The following AAAS variants were observed in gnomAD, a reference collection of about 807,000 sequenced individuals.
AAAS encodes aladin.
In AAAS, 60 loss-of-function variants were observed where a neutral mutation model predicts 75.6. The ratio of observed to expected loss-of-function variants is 0.79; its 90% CI spans 0.64 to 0.98. AAAS has a LOEUF of 0.98. Among genes scored for constraint, AAAS ranks in the 50% least tolerant of loss-of-function variants. The pLI, the probability that AAAS is intolerant of heterozygous loss-of-function variation, is 0.00. For missense variants in AAAS, 658 were observed against 686.9 expected (o/e 0.96, Z 0.47); for synonymous variants, 271 against 265.0 (o/e 1.02, Z -0.22).
At chr12:53,312,170 A>C (rs557314358) in intron 7 of AAAS, among the ~76,000 whole-genome samples, 1 of 149,712 alleles carries the variant, frequency 6.7e-6, no homozygotes, top group African/African-American at 2.5e-5. Flanking sequence ...CCGAGATTGC[A>C]CCACTGCACT....
chr12:53,309,687 G>A lies in AAAS; in HGVS notation c.724C>T (p.Pro242Ser), dbSNP rs1357091589. Residue 242 changes from proline (P) to serine (S), a missense_variant, in exon 8 of 16, where the codon CCT becomes TCT. By Grantham distance (74) the Pro-to-Ser change is moderately conservative. Coordinates refer to ENST00000209873, the MANE Select transcript of AAAS (RefSeq NM_015665.6). ...SSGCAQVLSH[P>S]GHTPVTSLAW... ...AAGCTGGTAACAGGTGTATGCCCAG[G>A]GTGAGACAGCACTTGGGCACAGCCA... The A allele has an allele frequency of 1.2e-6, 2 of 1,613,396 alleles. No homozygotes were observed. The highest frequency in any genetic ancestry group is 1.7e-5 in the Admixed American group (1 of 59,922).
At position 53,308,740 on chromosome 12, in the gene AAAS, AAGAC is replaced by A. The variant is rs1179559204; in HGVS notation, c.1068_1071del (p.Ser357PhefsTer58). On this transcript the variant is annotated frameshift_variant, in exon 11 of 16. Coordinates refer to ENST00000209873, the MANE Select transcript of AAAS (RefSeq NM_015665.6). LOFTEE classifies it high-confidence loss of function. ...CCTAACTCACCACAACGTTCTGGAA[AAGAC>A]AGGGAGTAAATCAGTGGCTCTCCCA... 1 of 1,614,056 alleles carries A rather than the reference AAGAC, an allele frequency of 6.2e-7. No homozygotes were observed. Among genetic ancestry groups the A allele is most frequent in the African/African-American group, 1.3e-5 (1 of 74,928 alleles).
intron 2 of AAAS, among the ~76,000 whole-genome samples, chr12:53,317,448 TC>T (rs1354115857): frequency 1.3e-5 from 2 of 151,864 alleles, no homozygotes; most frequent in Non-Finnish European, 2.9e-5. Flanking sequence ...TCCCAGCTAC[TC>T]GGGAGGCTGA....
chr12:53,315,817 T>A (rs1012478093), intron 2 of AAAS, 35 bp from the exon 3 acceptor site: 2 of 1,605,522 alleles, frequency 1.2e-6, no homozygotes, highest in African/African-American at 2.7e-5. Flanking sequence ...CAGCTTACTC[T>A]GATCCCCTCT....
Position 53,308,996 on chromosome 12 carries a change from A to G in AAAS, c.960T>C (p.Thr320=). 6.2e-7 allele frequency: 1 copy of G among 1,614,224 alleles called. No individual in the cohort carries two copies. The highest frequency in any genetic ancestry group is 8.5e-7 in the Non-Finnish European group (1 of 1,180,028). The change falls in exon 10 of 16, where the codon ACT becomes ACC. Residue 320 remains threonine, a synonymous_variant. Transcript: ENST00000209873. ...VFRVWEAQMW[T]CERWPTLSGR... ...CTGATAGAGTAGGCCACCTCTCACAAGTCCACATCTGGGCCTCCCAGACTC... is the reference window on the plus strand; with the variant it reads ...CTGATAGAGTAGGCCACCTCTCACAGGTCCACATCTGGGCCTCCCAGACTC...
At chr12:53,321,029 T>C in intron 1 of AAAS, 1 of 544,362 alleles carries the variant, frequency 1.8e-6, no homozygotes, top group Non-Finnish European at 3.3e-6. Flanking sequence ...AAGTTCCATG[T>C]TGTATCCTTC....
At chr12:53,315,541 T>G (rs1944449179) in intron 3 of AAAS, 115 bp from the exon 4 acceptor site, 1 of 1,188,722 alleles carries the variant, frequency 8.4e-7, no homozygotes. Flanking sequence ...GCCCAGTAAG[T>G]GCTCTCAACA....
In AAAS at chr12:53,317,795, T is replaced by A. The variant is rs550527391; in HGVS notation, c.252-2013A>T. On this transcript the variant is annotated intron_variant, in intron 2 of 15. Transcript: ENST00000209873. ...ACCTAGGAAAAAGGTGAAAGTGGCC[T>A]GAACTGGTGGGGATGAAGAAAAAGA... Among the ~76,000 whole-genome samples, 6 of 151,024 alleles carry A rather than the reference T, an allele frequency of 4.0e-5. No homozygotes were observed. The South Asian group carries it at 1.3e-3, about 32-fold the overall frequency.
intron 10 of AAAS, 70 bp from the exon 11 acceptor site, chr12:53,308,885 G>A: frequency 1.2e-6 from 2 of 1,612,632 alleles, no homozygotes; most frequent in East Asian, 4.5e-5. Flanking sequence ...AGTAGAGGTG[G>A]CCAGGTTTGG....
intron 2 of AAAS, among the ~76,000 whole-genome samples, chr12:53,319,161 C>T (rs1363090587): frequency 6.6e-6 from 1 of 152,028 alleles, no homozygotes; most frequent in Non-Finnish European, 1.5e-5. Flanking sequence ...GGAATTTATC[C>T]TACAAATGGT....
At chr12:53,308,659 GCATCTTAC>G in intron 11 of AAAS, 58 bp downstream of exon 11, 1 of 1,598,610 alleles carries the variant, frequency 6.3e-7, no homozygotes, top group South Asian at 1.1e-5. Flanking sequence ...CCTCAGAGCT[GCATCTTAC>G]CAAAGGTTGC....
chr12:53,315,545 C>G, intron 3 of AAAS, 119 bp from the exon 4 acceptor site: 3 of 1,182,884 alleles, frequency 2.5e-6, no homozygotes, highest in Admixed American at 2.0e-5. Context: ...AGTAAGTGCT[C>G]TCAACACCAC....
chr12:53,318,498 C>G (rs984544876), intron 2 of AAAS, among the ~76,000 whole-genome samples: 3 of 152,118 alleles, frequency 2.0e-5, no homozygotes, highest in Admixed American at 2.0e-4. Flanking sequence ...CAGGCATGAG[C>G]TTCCGCGCCC....
At chr12:53,318,954 TCA>T (rs1944509685) in intron 2 of AAAS, among the ~76,000 whole-genome samples, 1 of 152,056 alleles carries the variant, frequency 6.6e-6, no homozygotes, top group African/African-American at 2.4e-5. Flanking sequence ...ATATTCAACT[TCA>T]CACACACAGG....
At chr12:53,317,081 T>C (rs1944473883) in intron 2 of AAAS, among the ~76,000 whole-genome samples, 1 of 151,104 alleles carries the variant, frequency 6.6e-6, no homozygotes, top group Non-Finnish European at 1.5e-5. Flanking sequence ...CAGAGCAAGA[T>C]GCTGTCTCAA....
chr12:53,312,904 T>G (rs2136807805), intron 7 of AAAS, among the ~76,000 whole-genome samples: 1 of 150,146 alleles, frequency 6.7e-6, no homozygotes, highest in Non-Finnish European at 1.5e-5. Context: ...TTGCCCAGGC[T>G]GGAGTACAGT....
In AAAS at chr12:53,315,426, A is replaced by G. The variant is rs201692749; in HGVS notation, c.308T>C (p.Val103Ala). 6.9e-5 allele frequency: 112 copies of G among 1,611,680 alleles called. 1 individual carries two copies. The highest frequency in any genetic ancestry group is 1.6e-5 in the Non-Finnish European group (19 of 1,179,164). ...GGATGCCGTCTTCACCCACTCAAAC[A>G]CTGTAGGGTTGAGGAAGCAGCTCTG... ...LNEIANSEEE[V>A]FEWVKTASGW... The change falls in exon 4 of 16, where the codon GTG (valine) becomes GCG (alanine). Residue 103 changes from valine (V) to alanine (A), a missense_variant and splice_region_variant. Physicochemically the swap from Val to Ala is moderately conservative, Grantham distance 64 (BLOSUM62 0). Transcript: ENST00000209873.
At chr12:53,316,637 TA>T (rs1236418841) in intron 2 of AAAS, among the ~76,000 whole-genome samples, 12 of 151,070 alleles carry the variant, frequency 7.9e-5, no homozygotes, top group Admixed American at 3.3e-4. Flanking sequence ...GGTCCATGCC[TA>T]TAATCCCAGC....
intron 7 of AAAS, among the ~76,000 whole-genome samples, chr12:53,310,497 T>C (rs969576782): frequency 1.3e-5 from 2 of 151,248 alleles, no homozygotes; most frequent in African/African-American, 2.4e-5. Flanking sequence ...GAGGCGGAGG[T>C]TGCAGTGAGC....
Sources: gnomAD v4.1 joint callset for allele counts (sites outside exome capture counted in the v4.1 genomes callset) on GRCh38, gnomAD v4.1.1 for gene constraint, MANE v1.5 for transcripts, NCBI Gene and HGNC (gene_info 2026-07-23, HGNC 2026-07-21) for gene names.